The following ARHGEF1 variants were observed in gnomAD, a reference collection of about 807,000 sequenced individuals.
ARHGEF1 encodes the protein 115 kDa guanine nucleotide exchange factor.
ARHGEF1 carries 40 observed loss-of-function variants against 119.7 expected under a neutral mutation model. The ratio of observed to expected loss-of-function variants is 0.33; its 90% CI spans 0.26 to 0.44. The LOEUF (loss-of-function observed/expected upper bound fraction) is 0.44, where lower values mean the gene tolerates loss of function less well. Ranked by LOEUF, ARHGEF1 falls within the 20% of genes least tolerant of loss-of-function variation. The pLI, the probability that ARHGEF1 is intolerant of heterozygous loss-of-function variation, is 1.00. For missense variants in ARHGEF1, 976 were observed against 1,268.3 expected (o/e 0.77, Z 3.50); for synonymous variants, 494 against 521.0 (o/e 0.95, Z 0.71).
At position 41,907,284 on chromosome 19, in the gene ARHGEF1, C is replaced by T; in HGVS notation, c.*197C>T. 6.5e-7 allele frequency: 1 copy of T among 1,530,952 alleles called. No individual in the cohort carries two copies. Among genetic ancestry groups the T allele is most frequent in the Non-Finnish European group, 8.7e-7 (1 of 1,144,196 alleles). 94.8% of individuals were successfully genotyped at this position (1,530,952 alleles called of 1,614,324 possible). ...AGCCTCGGCCATCTCTCCCTCCTGC[C>T]CTCTGCTTGGGGGACTCAGGGCTCC... On this transcript the variant is annotated 3_prime_UTR_variant, in exon 29 of 29. Transcript: ENST00000354532.
chr19:41,897,871 T>A, intron 13 of ARHGEF1: 3 of 1,263,372 alleles, frequency 2.4e-6, no homozygotes, highest in Non-Finnish European at 3.0e-6. Flanking sequence ...TCTCTTCGTC[T>A]CTGTTCTTGT....
At chr19:41,915,278 C>G (rs868962121) in intron 18 of ARHGEF1, among the ~76,000 whole-genome samples, 2 of 151,570 alleles carry the variant, frequency 1.3e-5, no homozygotes, top group South Asian at 4.2e-4. Context: ...ACGCTCCCCC[C>G]GCCGTGTCTC....
rs782109778 is a variant in ARHGEF1, at chr19:41,902,710, C to T, written c.1623+52C>T. 6.2e-7 allele frequency: 1 copy of T among 1,613,276 alleles called. No homozygotes were observed. Among genetic ancestry groups the T allele is most frequent in the South Asian group, 1.1e-5 (1 of 91,056 alleles). On this transcript the variant is annotated intron_variant, in intron 17 of 28. Transcript: ENST00000354532. This position sits in a 1 kb window ranked among gnomAD's most constrained non-coding sequence, Gnocchi z 6.5. Reference sequence around the variant, plus strand: ...CCCAGGGAGGAGGGGCCTGGAGACCCAGACTCCTAGGTGCCTGCGCCCTGG... The same window carrying T: ...CCCAGGGAGGAGGGGCCTGGAGACCTAGACTCCTAGGTGCCTGCGCCCTGG...
chr19:41,895,445 C>T lies in ARHGEF1; in HGVS notation c.974C>T (p.Ser325Phe), dbSNP rs1288394081. 5 of 1,611,954 alleles carry T rather than the reference C, an allele frequency of 3.1e-6. No individual in the cohort carries two copies. Among genetic ancestry groups the T allele is most frequent in the Non-Finnish European group, 4.2e-6 (5 of 1,179,488 alleles). ...GAPGQDTPGV[S>F]LHPLSLDSPD... ...CCTGGGCAGGACACCCCTGGAGTCT[C>T]TCTGCACCCTCTGTCCCTGGACAGC... The change falls in exon 12 of 29, where the codon TCT becomes TTT. Residue 325 changes from serine (S) to phenylalanine (F), a missense_variant. Physicochemically the swap from Ser to Phe is radical, Grantham distance 155. Transcript: ENST00000354532.
In ARHGEF1 at chr19:41,906,921, C is replaced by T. The variant is rs1238531436; in HGVS notation, c.*17+118C>T. 2.2e-5 allele frequency: 21 copies of T among 967,686 alleles called. No homozygotes were observed. The Admixed American group carries it at 2.4e-4, about 11-fold the overall frequency. 59.9% of individuals were successfully genotyped at this position (967,686 alleles called of 1,614,324 possible). On this transcript the variant is annotated intron_variant, in intron 28 of 28. Transcript: ENST00000354532. The surrounding 1 kb of genome is among the most constrained non-coding windows in gnomAD (Gnocchi z 4.5). ...TCTTTGTCTTTTCTGAATCTCCCCA[C>T]TCCACCTCGTGTTTCTCATCTCTGT... is the stretch of plus-strand genomic sequence containing the variant.
At chr19:41,884,434 C>G (rs376445961) in intron 1 of ARHGEF1, 3 of 1,603,092 alleles carry the variant, frequency 1.9e-6, no homozygotes. Context: ...GAGTGCGGAG[C>G]CCGAGCGCGG....
chr19:41,892,776 C>T lies in ARHGEF1; in HGVS notation c.541C>T (p.Arg181Trp), dbSNP rs782100845. 4.4e-6 allele frequency: 7 copies of T among 1,603,192 alleles called. No homozygotes were observed. Among genetic ancestry groups the T allele is most frequent in the South Asian group, 2.2e-5 (2 of 90,786 alleles). The change falls in exon 7 of 29, where the codon CGG becomes TGG. Residue 181 changes from arginine (R) to tryptophan (W), a missense_variant. Around this residue, in one of 3 missense-constraint regions of ARHGEF1, gnomAD observed 519 missense variants for 580.9 expected, o/e 0.89. Transcript: ENST00000354532. The surrounding 1 kb of genome is among the most constrained non-coding windows in gnomAD (Gnocchi z 6.3). ...GGCCCAGCTGGAGGCTTGGGTTGGG[C>T]GGGACCGAGCCAGCTACGAGGCCCG... ...ELAQLEAWVG[R>W]DRASYEARER... is the part of the protein sequence containing the mutation.
intron 13 of ARHGEF1, chr19:41,898,116 A>AGG (rs1555848292): frequency 1.2e-5 from 16 of 1,374,464 alleles, no homozygotes; most frequent in Admixed American, 1.1e-4. Context: ...CGAGCCACGT[A>AGG]TGTCAACCCT....
At chr19:41,909,873 G>T (rs2094367305), downstream of ARHGEF1, 27 of 1,611,082 alleles carry the variant, frequency 1.7e-5, no homozygotes, top group Non-Finnish European at 2.1e-5. This position sits in a 1 kb window ranked among gnomAD's most constrained non-coding sequence, Gnocchi z 5.2. Flanking sequence ...CGCAGGGCCC[G>T]GCTCAGCTTG....
Position 41,905,699 on chromosome 19 carries a change from C to G in ARHGEF1, c.2337-61C>G. On this transcript the variant is annotated intron_variant, in intron 24 of 28. Transcript: ENST00000354532. This position sits in a 1 kb window ranked among gnomAD's most constrained non-coding sequence, Gnocchi z 6.4. ...CTCCCCACCTCCAGCTCTCTGTCTC[C>G]CTGCCCCTGCGGCCCCCCAGGGCCA... 1 of 1,581,118 alleles carries G rather than the reference C, an allele frequency of 6.3e-7. No individual in the cohort carries two copies. The highest frequency in any genetic ancestry group is 8.7e-7 in the Non-Finnish European group (1 of 1,154,528).
chr19:41,884,544 CCCCGGCAT>C (rs2074264701), intron 1 of ARHGEF1: 3 of 1,597,880 alleles, frequency 1.9e-6, no homozygotes, highest in Non-Finnish European at 2.5e-6. Context: ...TGCACGTCCT[CCCCGGCAT>C]CCCTGGCCGT....
chr19:41,922,932 A>G (rs1043795446), upstream of ARHGEF1, among the ~76,000 whole-genome samples: 4 of 151,640 alleles, frequency 2.6e-5, no homozygotes. Context: ...GCCTCTGCCC[A>G]CCTCTCCCTC....
rs977842267 is a variant in ARHGEF1 at position 41,907,408 on chromosome 19, C to A, written c.*321C>A. 10 of 1,528,464 alleles carry A rather than the reference C, an allele frequency of 6.5e-6. No individual in the cohort carries two copies. The highest frequency in any genetic ancestry group is 1.7e-4 in the Middle Eastern group (1 of 5,752). The allele number at this position is 1,528,464 out of a possible 1,614,324, so 94.7% of individuals were successfully genotyped here. ...CAAGTGCCTTCGCTCTGTTTTTATA[C>A]CCTGAATTGGAGGTTTATTTTTTAA... On this transcript the variant is annotated 3_prime_UTR_variant, in exon 29 of 29. Transcript: ENST00000354532.
intron 1 of ARHGEF1, among the ~76,000 whole-genome samples, chr19:41,927,403 G>T (rs782614480): frequency 7.2e-5 from 11 of 152,032 alleles, no homozygotes; most frequent in Non-Finnish European, 1.3e-4. Context: ...CAGATATCCA[G>T]ATCCAAATTC....
In ARHGEF1 at chr19:41,915,380, G is replaced by A. The variant is rs149337543; in HGVS notation, c.1866-7712G>A. Among the ~76,000 whole-genome samples the A allele has an allele frequency of 1.8e-3, 266 of 151,066 alleles. 1 individual carries two copies. The highest frequency in any genetic ancestry group is 7.0e-3 in the Middle Eastern group (2 of 286). Reference sequence around the variant, plus strand: ...CCTGGACCCCTCGCCCTTGCCCATCGCCTCTGCCGCCCTGTCCCCGTCCGT... The same window carrying A: ...CCTGGACCCCTCGCCCTTGCCCATCACCTCTGCCGCCCTGTCCCCGTCCGT... On this transcript the variant is annotated intron_variant, in intron 18 of 20. Coordinates refer to the ARHGEF1 transcript ENST00000599589.
chr19:41,891,522 G>C (rs183925660), intron 4 of ARHGEF1, among the ~76,000 whole-genome samples: 252 of 152,290 alleles, frequency 1.7e-3, no homozygotes, highest in Non-Finnish European at 2.8e-3. Context: ...GACCTCATGT[G>C]ATCCACCTGC....
At chr19:41,908,024 G>A (rs1231104593), downstream of ARHGEF1, 7 of 426,434 alleles carry the variant, frequency 1.6e-5, no homozygotes, top group African/African-American at 4.1e-5. The surrounding 1 kb of genome is among the most constrained non-coding windows in gnomAD (Gnocchi z 6.7). Context: ...GGAGGAGGCC[G>A]GAGGCCATCA....
At chr19:41,922,760 A>C (rs1555852664), upstream of ARHGEF1, among the ~76,000 whole-genome samples, 1 of 152,214 alleles carries the variant, frequency 6.6e-6, no homozygotes, top group African/African-American at 2.4e-5. Context: ...CTCCAGGGGC[A>C]TCAGGCGCGG....
chr19:41,912,399 C>T (rs569103093), downstream of ARHGEF1, among the ~76,000 whole-genome samples: 7 of 152,358 alleles, frequency 4.6e-5, no homozygotes, highest in South Asian at 1.4e-3. Flanking sequence ...AAGCTGTCCT[C>T]TTTCCTGGGT....
Sources: allele counts gnomAD v4.1 joint callset (sites outside exome capture counted in the v4.1 genomes callset), GRCh38; gene constraint gnomAD v4.1.1; regional missense constraint gnomAD v4.1.1; non-coding constraint Gnocchi (gnomAD v3.1); transcripts MANE v1.5; gene names NCBI Gene and HGNC (gene_info 2026-07-23, HGNC 2026-07-21).